Variants in BRAF observed in about 807,000 individuals in gnomAD.
The protein encoded by BRAF is serine/threonine-protein kinase B-raf.
In BRAF, 16 loss-of-function variants were observed where a neutral mutation model predicts 104.6. That is an observed-to-expected ratio of 0.15 (90% confidence interval 0.10 to 0.23). The LOEUF is 0.23. BRAF is among the 10% of genes least tolerant of loss of function. The pLI is 1.00. For synonymous variants in BRAF, 310 were observed against 341.6 expected (o/e 0.91, Z 1.02); for missense variants, 541 against 937.3 (o/e 0.58, Z 5.52).
chr7:140,835,394 T>C (rs1267535083), intron 2 of BRAF: 1 of 159,976 alleles, frequency 6.3e-6, no homozygotes, highest in Admixed American at 5.9e-5. Flanking sequence ...CAGATCTCAC[T>C]GTTAGTACCA....
At chr7:140,923,846 C>G (rs2129152024) in intron 1 of BRAF, among the ~76,000 whole-genome samples, 1 of 152,082 alleles carries the variant, frequency 6.6e-6, no homozygotes, top group Non-Finnish European at 1.5e-5. Context: ...CAGGCAGGTC[C>G]GACAACTGGA....
At position 140,893,313 on chromosome 7, in the gene BRAF, G is replaced by A. The variant is rs963718588; in HGVS notation, c.138+31253C>T. On this transcript the variant is annotated intron_variant, in intron 1 of 19. Transcript: ENST00000644969. ...CACCCAGGCTGGAGTGCAGTGGCGC[G>A]ATCTCAGCTCACTGCAAGCTCTGCC... Among the ~76,000 whole-genome samples the A allele has an allele frequency of 7.3e-5, 11 of 150,796 alleles. 1 individual carries two copies. In the Middle Eastern group the frequency reaches 0.024, roughly 326 times the overall value.
Position 140,924,370 on chromosome 7 carries a change from A to G in BRAF, c.138+196T>C, listed in dbSNP as rs1161129061. On this transcript the variant is annotated intron_variant, in intron 1 of 19. Transcript: ENST00000644969. The surrounding 1 kb of genome is among the most constrained non-coding windows in gnomAD (Gnocchi z 4.2). ...GGGGGCCAGGGAAACCCCCCGGGCC[A>G]TTGTGTGTGTTTACGTAGGAAGGCG... Among the ~76,000 whole-genome samples the G allele has an allele frequency of 6.6e-6, 1 of 152,040 alleles. No homozygotes were observed. The highest frequency in any genetic ancestry group is 6.5e-5 in the Admixed American group (1 of 15,276).
intron 17 of BRAF, among the ~76,000 whole-genome samples, chr7:140,742,414 G>A (rs185070673): frequency 0.01 from 1,535 of 151,888 alleles, 29 homozygotes; most frequent in African/African-American, 0.035. Flanking sequence ...GGCTGGTCTC[G>A]AACTCCAGAC....
chr7:140,795,137 AC>A (rs1802375154), intron 7 of BRAF, among the ~76,000 whole-genome samples: 1 of 152,238 alleles, frequency 6.6e-6, no homozygotes, highest in East Asian at 1.9e-4. Flanking sequence ...TTGGAAAACC[AC>A]CAAAATGTTA....
chr7:140,749,271 C>G lies in BRAF; in HGVS notation c.2112+16G>C, dbSNP rs3789806. The G allele has an allele frequency of 0.18, 283,367 of 1,609,598 alleles. 37,044 individuals carry two copies. The highest frequency in any genetic ancestry group is 0.67 in the African/African-American group (50,211 of 74,780). Reference sequence around the variant, plus strand: ...ATAGACGGTAAAATAAACACCAAGACGTGGTAAATATTTACCTGGTCCCTG... The same window carrying G: ...ATAGACGGTAAAATAAACACCAAGAGGTGGTAAATATTTACCTGGTCCCTG... On this transcript the variant is annotated intron_variant, in intron 17 of 19. Coordinates refer to ENST00000644969, the MANE Select transcript of BRAF (RefSeq NM_001374258.1).
rs1276829336 is a variant in BRAF at position 140,777,079 on chromosome 7, T to A, written c.1647A>T (p.Arg549=). 3 of 1,613,966 alleles carry A rather than the reference T, an allele frequency of 1.9e-6. No individual in the cohort carries two copies. The highest frequency in any genetic ancestry group is 1.7e-5 in the Admixed American group (1 of 59,996). Residue 549 remains arginine (R), a synonymous_variant, in exon 14 of 20, where the codon CGA becomes CGT. Transcript: ENST00000644969. ...CCATGAAGAGTAGGATATTCACATG[T>A]CGTGTTTTCCTGTACAAAGAAATGT... The part of the protein sequence containing the change: ...KNEVGVLRKT[R]HVNILLFMGY...
At chr7:140,781,790 C>A in intron 11 of BRAF, 97 bp from the exon 11 acceptor site, 2 of 954,616 alleles carry the variant, frequency 2.1e-6, no homozygotes, top group Non-Finnish European at 1.7e-6. Flanking sequence ...GAGAGGGATA[C>A]AGGAAGAGAT....
intron 1 of BRAF, among the ~76,000 whole-genome samples, chr7:140,872,868 A>G (rs1586487611): frequency 1.3e-5 from 2 of 152,230 alleles, no homozygotes; most frequent in African/African-American, 4.8e-5. Flanking sequence ...AATTAAACAA[A>G]TCCTGCTAAG....
intron 1 of BRAF, among the ~76,000 whole-genome samples, chr7:140,869,539 A>G (rs1811333280): frequency 6.6e-6 from 1 of 152,044 alleles, no homozygotes; most frequent in Admixed American, 6.6e-5. Context: ...AGGCTGAGGC[A>G]TGAGAATCAC....
At chr7:140,767,362 A>G (rs1331295435) in intron 14 of BRAF, among the ~76,000 whole-genome samples, 2 of 152,196 alleles carry the variant, frequency 1.3e-5, no homozygotes, top group African/African-American at 2.4e-5. Flanking sequence ...ATGATAAACA[A>G]GATGGGAGAT....
intron 1 of BRAF, among the ~76,000 whole-genome samples, chr7:140,914,974 G>T (rs999494425): frequency 1.5e-4 from 10 of 65,542 alleles, no homozygotes; most frequent in Non-Finnish European, 2.4e-4. Context: ...CGGGGGGGGG[G>T]GGGGGCGGAG....
chr7:140,838,214 C>T (rs879691329), intron 2 of BRAF, among the ~76,000 whole-genome samples: 3 of 152,176 alleles, frequency 2.0e-5, no homozygotes, highest in Non-Finnish European at 4.4e-5. Flanking sequence ...TTGTCAAAAT[C>T]CAGAAGAGGT....
At chr7:140,822,067 T>C (rs73165469) in intron 3 of BRAF, among the ~76,000 whole-genome samples, 4,192 of 152,282 alleles carry the variant, frequency 0.028, 94 homozygotes, top group Non-Finnish European at 0.04. Context: ...CTATGCTCAG[T>C]ACTTGGATGA....
At chr7:140,807,866 T>C (rs552294801) in intron 5 of BRAF, 94 bp downstream of exon 5, 6 of 953,026 alleles carry the variant, frequency 6.3e-6, no homozygotes, top group South Asian at 3.0e-5. Context: ...AGTTCCAAAA[T>C]TACTCATCCA....
rs755379596 is a variant in BRAF, at chr7:140,722,933, AATGT to A, written c.*3557_*3560del. 1 of 1,055,412 alleles carries A rather than the reference AATGT, an allele frequency of 9.5e-7. No individual in the cohort carries two copies. Among genetic ancestry groups the A allele is most frequent in the Non-Finnish European group, 1.1e-6 (1 of 873,130 alleles). 65.4% of individuals were successfully genotyped at this position (1,055,412 alleles called of 1,614,324 possible). On this transcript the variant is annotated 3_prime_UTR_variant, in exon 20 of 20. Coordinates refer to ENST00000644969, the MANE Select transcript of BRAF (RefSeq NM_001374258.1). ...CATTTTTTTACAGTATTACTGCTTA[AATGT>A]ATAATGCCCTTTAGGACAAAATGAG... is the stretch of plus-strand genomic sequence containing the variant.
chr7:140,862,438 A>T (rs1342394693), intron 1 of BRAF, among the ~76,000 whole-genome samples: 2 of 152,230 alleles, frequency 1.3e-5, no homozygotes, highest in Non-Finnish European at 2.9e-5. Context: ...TTCTAAATGA[A>T]GAAAATAGAA....
intron 1 of BRAF, among the ~76,000 whole-genome samples, chr7:140,893,679 C>T (rs970552864): frequency 2.0e-5 from 3 of 152,134 alleles, no homozygotes; most frequent in Non-Finnish European, 2.9e-5. Context: ...CCCCACCCGC[C>T]ACACCACCAA....
chr7:140,788,100 C>T (rs376302452), intron 8 of BRAF, among the ~76,000 whole-genome samples: 40 of 152,114 alleles, frequency 2.6e-4, no homozygotes, highest in African/African-American at 7.7e-4. Flanking sequence ...TGTTGACCTA[C>T]GTAACAACCC....
Sources: allele counts gnomAD v4.1 joint callset (sites outside exome capture counted in the v4.1 genomes callset), GRCh38; gene constraint gnomAD v4.1.1; non-coding constraint Gnocchi (gnomAD v3.1); transcripts MANE v1.5; gene names NCBI Gene and HGNC (gene_info 2026-07-23, HGNC 2026-07-21).